Variants in FHIT observed in about 807,000 individuals in gnomAD.
FHIT encodes bis(5'-adenosyl)-triphosphatase.
Under a neutral mutation model 17.9 loss-of-function variants are expected in FHIT, and 19 were observed. The observed-to-expected ratio is 1.06, with a 90% CI of 0.74 to 1.56. The LOEUF (loss-of-function observed/expected upper bound fraction) is 1.56, where lower values mean the gene tolerates loss of function less well. FHIT is among the 40% of genes most tolerant of loss of function. The probability of loss-of-function intolerance (pLI) is 0.00; values close to 1 mark genes in which losing one functional copy is unlikely to be tolerated. For missense variants in FHIT, 248 were observed against 189.2 expected (o/e 1.31, Z -1.82); for synonymous variants, 81 against 69.7 (o/e 1.16, Z -0.81).
chr3:60,924,100 C>T (rs1427690182), intron 3 of FHIT, among the ~76,000 whole-genome samples: 1 of 152,196 alleles, frequency 6.6e-6, no homozygotes, highest in South Asian at 2.1e-4. Context: ...CTCAAGGAGG[C>T]CTGCCTGCCT....
intron 3 of FHIT, among the ~76,000 whole-genome samples, chr3:60,918,022 G>A (rs1182166309): frequency 6.6e-6 from 1 of 152,182 alleles, no homozygotes; most frequent in Non-Finnish European, 1.5e-5. Context: ...GCAGGGCTAG[G>A]TGGAGATAAT....
chr3:60,541,947 A>C (rs1433497995), intron 4 of FHIT, among the ~76,000 whole-genome samples: 1 of 152,120 alleles, frequency 6.6e-6, no homozygotes, highest in South Asian at 2.1e-4. Flanking sequence ...CACTTTTCCA[A>C]TCATTTTCCT....
At chr3:60,448,145 T>C (rs1317369476) in intron 5 of FHIT, among the ~76,000 whole-genome samples, 6 of 152,160 alleles carry the variant, frequency 3.9e-5, no homozygotes, top group African/African-American at 7.2e-5. Flanking sequence ...TAACGGACTA[T>C]AGCAGTGGAT....
chr3:60,711,333 A>T (rs539301900), intron 4 of FHIT, among the ~76,000 whole-genome samples: 1 of 152,188 alleles, frequency 6.6e-6, no homozygotes, highest in African/African-American at 2.4e-5. Flanking sequence ...AAAAAACAAG[A>T]GCAAAAAAAC....
chr3:60,861,311 G>A (rs1421934145), intron 3 of FHIT, among the ~76,000 whole-genome samples: 1 of 104,318 alleles, frequency 9.6e-6, no homozygotes, highest in Admixed American at 1.1e-4. Flanking sequence ...ACTGGGTTTT[G>A]ACGAAGCTCA....
chr3:59,798,330 G>A (rs1171261930), intron 8 of FHIT, among the ~76,000 whole-genome samples: 1 of 152,184 alleles, frequency 6.6e-6, no homozygotes, highest in Admixed American at 6.6e-5. Flanking sequence ...CTAGTATAGT[G>A]CTATACGATT....
intron 7 of FHIT, among the ~76,000 whole-genome samples, chr3:59,987,112 A>G (rs1709015411): frequency 7.2e-6 from 1 of 138,880 alleles, no homozygotes; most frequent in African/African-American, 2.5e-5. Flanking sequence ...AAAAATCTAT[A>G]TATTTTATAT....
intron 3 of FHIT, among the ~76,000 whole-genome samples, chr3:60,915,506 A>G (rs1317473813): frequency 6.6e-6 from 1 of 152,210 alleles, no homozygotes; most frequent in Non-Finnish European, 1.5e-5. Context: ...TTCAATAGCC[A>G]GTGGATTTGA....
At chr3:60,946,884 A>G (rs1050794397) in intron 3 of FHIT, among the ~76,000 whole-genome samples, 1 of 152,218 alleles carries the variant, frequency 6.6e-6, no homozygotes, top group Admixed American at 6.5e-5. Flanking sequence ...ACGCCATCCT[A>G]TAAGATAGAC....
At chr3:60,211,409 G>A (rs181301462) in intron 5 of FHIT, among the ~76,000 whole-genome samples, 1 of 151,870 alleles carries the variant, frequency 6.6e-6, no homozygotes, top group Non-Finnish European at 1.5e-5. Context: ...TGAACATACT[G>A]GTTTTATAGA....
chr3:60,756,654 G>A (rs1338344329), intron 4 of FHIT, among the ~76,000 whole-genome samples: 1 of 152,178 alleles, frequency 6.6e-6, no homozygotes, highest in Non-Finnish European at 1.5e-5. Flanking sequence ...TAAAGAAAGT[G>A]AAAGACACAG....
At chr3:60,344,003 A>C (rs1445961214) in intron 5 of FHIT, among the ~76,000 whole-genome samples, 1 of 152,210 alleles carries the variant, frequency 6.6e-6, no homozygotes, top group East Asian at 1.9e-4. Context: ...CTTTGCTTTC[A>C]AACTCTATGA....
chr3:60,545,985 C>T (rs1026510270), intron 4 of FHIT, among the ~76,000 whole-genome samples: 1 of 152,210 alleles, frequency 6.6e-6, no homozygotes, highest in African/African-American at 2.4e-5. Context: ...TACATTACTA[C>T]ATGTGGATAT....
At chr3:60,765,628 G>A (rs782165325) in intron 4 of FHIT, 14 of 152,342 alleles carry the variant, frequency 9.2e-5, no homozygotes, top group African/African-American at 2.4e-4. Flanking sequence ...TTGGTGTGAT[G>A]CTTAATATTA....
intron 1 of FHIT, among the ~76,000 whole-genome samples, chr3:61,223,592 C>T (rs990213227): frequency 1.3e-5 from 2 of 152,160 alleles, no homozygotes; most frequent in Non-Finnish European, 2.9e-5. Context: ...GCAAGGCATC[C>T]AATAATGTGC....
At chr3:59,986,858 C>A (rs1708993211) in intron 7 of FHIT, among the ~76,000 whole-genome samples, 1 of 83,150 alleles carries the variant, frequency 1.2e-5, no homozygotes, top group Non-Finnish European at 2.2e-5. Context: ...ATAGGATTTA[C>A]TATAGAAAAA....
chr3:60,238,462 A>AAG (rs1347524340), intron 5 of FHIT, among the ~76,000 whole-genome samples: 2 of 151,720 alleles, frequency 1.3e-5, no homozygotes, highest in South Asian at 4.1e-4. Context: ...AAAAAAAAAA[A>AAG]AAGTCACAGC....
chr3:59,808,482 C>T (rs1700289745), intron 8 of FHIT, among the ~76,000 whole-genome samples: 1 of 152,218 alleles, frequency 6.6e-6, no homozygotes, highest in African/African-American at 2.4e-5. Context: ...AGTCTCTACC[C>T]TACGGTAAAA....
chr3:60,029,090 T>A (rs1559561930), intron 5 of FHIT, among the ~76,000 whole-genome samples: 1 of 152,242 alleles, frequency 6.6e-6, no homozygotes, highest in African/African-American at 2.4e-5. Flanking sequence ...TCTAATGTTT[T>A]AAATTACAGT....
Sources: gnomAD v4.1 joint callset for allele counts (sites outside exome capture counted in the v4.1 genomes callset) on GRCh38, gnomAD v4.1.1 for gene constraint, MANE v1.5 for transcripts, NCBI Gene and HGNC (gene_info 2026-07-23, HGNC 2026-07-21) for gene names.